FBXL5: variants seen among roughly 807,000 people sequenced by gnomAD.
FBXL5 encodes F-box and leucine rich repeat protein 5, also known as F-box/LRR-repeat protein 5.
A neutral mutation model predicts 78.3 loss-of-function variants in FBXL5; 26 were observed. That is an observed-to-expected ratio of 0.33 (90% CI 0.24 to 0.46). The LOEUF is 0.46. FBXL5 is among the 20% of genes least tolerant of loss of function. The probability of loss-of-function intolerance (pLI) is 1.00; values close to 1 mark genes in which losing one functional copy is unlikely to be tolerated. For synonymous variants in FBXL5, 295 were observed against 282.5 expected, an observed-to-expected ratio of 1.04 and a Z score of -0.45; for missense variants, 710 against 829.2, an observed-to-expected ratio of 0.86 and a Z score of 1.77.
rs765942703 is a variant in FBXL5 at position 15,605,653 on chromosome 4, G to T, written c.*70C>A. The T allele has an allele frequency of 7.7e-7, 1 of 1,303,760 alleles. No homozygotes were observed. The highest frequency in any genetic ancestry group is 1.1e-6 in the Non-Finnish European group (1 of 907,224). The allele number at this position is 1,303,760 out of a possible 1,614,324, so 80.8% of individuals were successfully genotyped here. A position where few individuals can be genotyped will look rare whatever the true frequency, so the allele number is the denominator to read the frequency against. On this transcript the variant is annotated 3_prime_UTR_variant, in exon 11 of 11. Coordinates refer to ENST00000341285, the MANE Select transcript of FBXL5 (RefSeq NM_012161.4). The stretch of plus-strand genomic sequence containing the variant: ...AAGGGATGGTTAACACAAGAAATGT[G>T]CTATGAGTAAAGTGCATGAAAGAAA...
chr4:15,676,750 A>G (rs965293876), intron 1 of FBXL5, among the ~76,000 whole-genome samples: 21 of 152,138 alleles, frequency 1.4e-4, no homozygotes, highest in African/African-American at 4.8e-4. Context: ...TGTTGGGTTC[A>G]TTATACAATT....
chr4:15,679,564 A>AC (rs35891118), intron 1 of FBXL5, among the ~76,000 whole-genome samples: 18,547 of 121,530 alleles, frequency 0.15, 1,215 homozygotes, highest in Non-Finnish European at 0.19. Context: ...TTCAGGAACA[A>AC]AAAAAAAAAA....
chr4:15,660,544 T>C (rs1233784412), upstream of FBXL5, among the ~76,000 whole-genome samples: 2 of 152,326 alleles, frequency 1.3e-5, no homozygotes, highest in Non-Finnish European at 2.9e-5. Context: ...ACACGAAACA[T>C]TGATTTGAAT....
At chr4:15,618,103 A>C (rs534398333) in intron 9 of FBXL5, among the ~76,000 whole-genome samples, 1 of 152,354 alleles carries the variant, frequency 6.6e-6, no homozygotes, top group South Asian at 2.1e-4. Context: ...AGAAAAACAA[A>C]ACCAGAAGTT....
At chr4:15,659,585 A>G (rs555855999), upstream of FBXL5, 1 of 223,198 alleles carries the variant, frequency 4.5e-6, no homozygotes, top group African/African-American at 2.3e-5. Flanking sequence ...TTTGAAGAGA[A>G]GTTTAGATAA....
chr4:15,641,704 C>G (rs1714898980), intron 2 of FBXL5: 2 of 430,082 alleles, frequency 4.7e-6, no homozygotes, highest in South Asian at 3.3e-5. Flanking sequence ...ACCCTAATCC[C>G]CATGTTGTTC....
At chr4:15,672,925 A>G (rs1577518867) in intron 1 of FBXL5, among the ~76,000 whole-genome samples, 1 of 152,104 alleles carries the variant, frequency 6.6e-6, no homozygotes, top group South Asian at 2.1e-4. Flanking sequence ...ATTTATTTTT[A>G]CGAGACACAA....
chr4:15,636,717 A>G (rs759463214), intron 4 of FBXL5, 41 bp from the exon 5 acceptor site: 6 of 1,364,454 alleles, frequency 4.4e-6, no homozygotes. Flanking sequence ...AAGGCTAAAG[A>G]GCATATGCAA....
At chr4:15,653,912 T>C (rs567641713) in intron 1 of FBXL5, among the ~76,000 whole-genome samples, 1 of 152,354 alleles carries the variant, frequency 6.6e-6, no homozygotes, top group East Asian at 1.9e-4. Flanking sequence ...GGACTTCTAA[T>C]AGTTTTTAGT....
intron 5 of FBXL5, among the ~76,000 whole-genome samples, chr4:15,634,383 T>G (rs1714014690): frequency 6.6e-6 from 1 of 152,132 alleles, no homozygotes; most frequent in African/African-American, 2.4e-5. Context: ...TTTGTTTTTT[T>G]TGAGACGGAG....
At chr4:15,614,153 CA>C (rs1423194691) in intron 9 of FBXL5, among the ~76,000 whole-genome samples, 2 of 152,332 alleles carry the variant, frequency 1.3e-5, no homozygotes, top group East Asian at 3.9e-4. Flanking sequence ...ATGCTCTCCC[CA>C]CTTCCCCTAG....
upstream of FBXL5, among the ~76,000 whole-genome samples, chr4:15,664,550 C>CTTTTTTTT (rs35319145): frequency 6.6e-5 from 5 of 75,522 alleles, no homozygotes; most frequent in Admixed American, 2.1e-4. Context: ...GGCCCTCATC[C>CTTTTTTTT]TTTTTTTTTT....
chr4:15,648,328 C>A (rs1452566690), intron 1 of FBXL5, among the ~76,000 whole-genome samples: 1 of 152,060 alleles, frequency 6.6e-6, no homozygotes, highest in African/African-American at 2.4e-5. Flanking sequence ...TATGGAAATT[C>A]CTCAAAAAAT....
At chr4:15,659,139 C>G (rs935302181), upstream of FBXL5, among the ~76,000 whole-genome samples, 7 of 151,986 alleles carry the variant, frequency 4.6e-5, no homozygotes, top group Non-Finnish European at 1.5e-5. Flanking sequence ...GAAGGGTACC[C>G]AGTAAAATAA....
intron 1 of FBXL5, among the ~76,000 whole-genome samples, chr4:15,670,666 G>A (rs1050101054): frequency 6.6e-6 from 1 of 151,044 alleles, no homozygotes; most frequent in African/African-American, 2.4e-5. Context: ...ACTGGGCAAT[G>A]TCAGGAGTTA....
Position 15,628,017 on chromosome 4 carries a change from T to C in FBXL5, c.909A>G (p.Glu303=), listed in dbSNP as rs754556290. 1 of 1,613,638 alleles carries C rather than the reference T, an allele frequency of 6.2e-7. No homozygotes were observed. The highest frequency in any genetic ancestry group is 8.5e-7 in the Non-Finnish European group (1 of 1,179,846). The change falls in exon 7 of 11, where the codon GAA becomes GAG. Residue 303 remains glutamate, a synonymous_variant. Transcript: ENST00000341285. The part of the protein sequence containing the change: ...DIDESEESAE[E]SIAISIAQME... ...TTTGTGCAATGCTGATAGCAATTGA[T>C]TCCTCCGCAGACTCTTCTGTAAAAT...
At chr4:15,636,370 CTAACTATA>C in intron 5 of FBXL5, 116 bp downstream of exon 5, 2 of 737,302 alleles carry the variant, frequency 2.7e-6, no homozygotes, top group Non-Finnish European at 3.9e-6. Context: ...AAAACATCAT[CTAACTATA>C]AAATCTACTT....
upstream of FBXL5, among the ~76,000 whole-genome samples, chr4:15,655,873 C>G (rs1417751768): frequency 4.6e-5 from 7 of 152,220 alleles, no homozygotes; most frequent in Non-Finnish European, 8.8e-5. Context: ...GGCCGCCACT[C>G]AAAGGCCGGG....
intron 9 of FBXL5, among the ~76,000 whole-genome samples, chr4:15,623,861 C>T (rs553121606): frequency 6.6e-6 from 1 of 150,660 alleles, no homozygotes; most frequent in African/African-American, 2.4e-5. Flanking sequence ...TTCGCTCTGT[C>T]GCCCAGGTTG....
Sources: allele counts gnomAD v4.1 joint callset (sites outside exome capture counted in the v4.1 genomes callset), GRCh38; gene constraint gnomAD v4.1.1; transcripts MANE v1.5; gene names NCBI Gene and HGNC (gene_info 2026-07-23, HGNC 2026-07-21).